The following SH3PXD2A variants were observed in gnomAD, a reference collection of about 807,000 sequenced individuals.
SH3PXD2A encodes SH3 and PX domains 2A.
SH3PXD2A carries 32 observed loss-of-function variants against 115.2 expected under a neutral mutation model. The ratio of observed to expected loss-of-function variants is 0.28; its 90% CI spans 0.21 to 0.37. The LOEUF (loss-of-function observed/expected upper bound fraction) is 0.37, where lower values mean the gene tolerates loss of function less well. SH3PXD2A is among the 10% of genes least tolerant of loss of function. The pLI is 1.00. For synonymous variants in SH3PXD2A, 610 were observed against 629.1 expected (o/e 0.97, Z 0.45); for missense variants, 1,328 against 1,498.7 (o/e 0.89, Z 1.88).
chr10:103,806,569 A>G (rs1305907488), intron 1 of SH3PXD2A, among the ~76,000 whole-genome samples: 1 of 152,184 alleles, frequency 6.6e-6, no homozygotes, highest in Non-Finnish European at 1.5e-5. Context: ...GGGGGCCCAG[A>G]TAGACTCTCC....
At chr10:103,655,419 G>C (rs2037196340) in intron 8 of SH3PXD2A, among the ~76,000 whole-genome samples, 1 of 152,176 alleles carries the variant, frequency 6.6e-6, no homozygotes, top group African/African-American at 2.4e-5. Flanking sequence ...TAGTAATCAG[G>C]TGGTTACATA....
At chr10:103,605,072 C>T (rs932659339) in intron 14 of SH3PXD2A, among the ~76,000 whole-genome samples, 14 of 152,194 alleles carry the variant, frequency 9.2e-5, no homozygotes, top group Non-Finnish European at 1.6e-4. Context: ...CATGCTCAGC[C>T]CCAGCCACAA....
At chr10:103,754,185 A>G (rs185131234) in intron 3 of SH3PXD2A, 1 of 152,174 alleles carries the variant, frequency 6.6e-6, no homozygotes, top group African/African-American at 2.4e-5. Flanking sequence ...TTCAAATTTC[A>G]CTTTTTTTTC....
chr10:103,830,484 C>T (rs940765106), intron 1 of SH3PXD2A, among the ~76,000 whole-genome samples: 2 of 152,160 alleles, frequency 1.3e-5, no homozygotes, highest in African/African-American at 2.4e-5. Flanking sequence ...CAGTAGCAAT[C>T]CCACTCCTGG....
chr10:103,682,258 G>A (rs990282799), intron 6 of SH3PXD2A, among the ~76,000 whole-genome samples: 19 of 152,232 alleles, frequency 1.2e-4, no homozygotes, highest in African/African-American at 4.6e-4. Flanking sequence ...TTGGGCAGTG[G>A]GGCTCAGCCA....
At position 103,595,365 on chromosome 10, in the gene SH3PXD2A, G is replaced by T. The variant is rs541143505; in HGVS notation, c.*6451C>A. On this transcript the variant is annotated 3_prime_UTR_variant, in exon 15 of 15. Coordinates refer to ENST00000369774, the MANE Select transcript of SH3PXD2A (RefSeq NM_001394015.1). ...TTCTTCCTTCTTTCTAATCAACAAA[G>T]ACAAAACTCCAAGCCCCTTTTCAGC... 3.9e-5 allele frequency: 6 copies of T among 152,276 alleles called. No homozygotes were observed. The highest frequency in any genetic ancestry group is 1.4e-4 in the African/African-American group (6 of 41,550). 9.4% of individuals were successfully genotyped at this position (152,276 alleles called of 1,614,324 possible).
intron 8 of SH3PXD2A, among the ~76,000 whole-genome samples, chr10:103,633,105 C>A (rs1194068956): frequency 6.6e-6 from 1 of 152,204 alleles, no homozygotes; most frequent in Non-Finnish European, 1.5e-5. Context: ...CATGGCAAGC[C>A]CAGGCTGGTG....
At chr10:103,674,091 T>C (rs564056100) in intron 6 of SH3PXD2A, among the ~76,000 whole-genome samples, 232 of 152,346 alleles carry the variant, frequency 1.5e-3, no homozygotes, top group Admixed American at 2.4e-3. Context: ...TTTAAGCCTT[T>C]CCTCTCCCAT....
At position 103,812,681 on chromosome 10, in the gene SH3PXD2A, C is replaced by T. The variant is rs761188717; in HGVS notation, c.73-11319G>A. On this transcript the variant is annotated intron_variant, in intron 1 of 14. Transcript: ENST00000369774. ...GGGAAACACAGCAGTCAGAGGCCAG[C>T]AGCCGCCTCCACACACAGCCTGCAG... 9.8e-5 allele frequency among the ~76,000 whole-genome samples: 15 copies of T among 152,300 alleles called. No individual in the cohort carries two copies. The East Asian group carries it at 2.5e-3, about 25-fold the overall frequency.
At chr10:103,822,270 T>C (rs1304879458) in intron 1 of SH3PXD2A, among the ~76,000 whole-genome samples, 1 of 152,262 alleles carries the variant, frequency 6.6e-6, no homozygotes, top group Non-Finnish European at 1.5e-5. Flanking sequence ...CTGGATGTTA[T>C]ACATACTGTG....
intron 1 of SH3PXD2A, among the ~76,000 whole-genome samples, chr10:103,828,622 G>C (rs1017553078): frequency 6.6e-6 from 1 of 152,116 alleles, no homozygotes; most frequent in Non-Finnish European, 1.5e-5. Flanking sequence ...CAGAGTCAGG[G>C]AGCCCTCCTG....
At chr10:103,607,961 G>A (rs564154071) in intron 13 of SH3PXD2A, among the ~76,000 whole-genome samples, 2 of 151,688 alleles carry the variant, frequency 1.3e-5, no homozygotes, top group South Asian at 2.1e-4. Flanking sequence ...CAGCATGCTC[G>A]TTAAGAGTCA....
rs3781365 is a variant in SH3PXD2A at position 103,602,114 on chromosome 10, C to T, written c.3104G>A (p.Arg1035Gln). Residue 1035 changes from arginine to glutamine, a missense_variant, in exon 15 of 15, where the codon CGG (arginine) becomes CAG (glutamine). By Grantham distance (43) the Arg-to-Gln change is conservative. Around this residue, in one of 5 missense-constraint regions of SH3PXD2A, gnomAD observed 574 missense variants for 565.7 expected, o/e 1.01. Coordinates refer to ENST00000369774, the MANE Select transcript of SH3PXD2A (RefSeq NM_001394015.1). ...TGAGTCTGAACCCTGGCTGGCAGCC[C>T]GTTCGGCCAGGCGGCCCTTGGCCTC... ...AAEAKGRLAE[R>Q]AASQGSDSPL... The T allele has an allele frequency of 3.5e-3, 5,581 of 1,587,978 alleles. 212 individuals are homozygous for T. In the East Asian group the frequency reaches 0.095, roughly 27 times the overall value.
At chr10:103,796,079 G>T (rs750102401) in intron 2 of SH3PXD2A, among the ~76,000 whole-genome samples, 5 of 152,018 alleles carry the variant, frequency 3.3e-5, no homozygotes, top group Non-Finnish European at 4.4e-5. Context: ...CCATATGGGG[G>T]CCGGGTGTGG....
chr10:103,677,067 C>T (rs1419042024), intron 6 of SH3PXD2A, among the ~76,000 whole-genome samples: 1 of 152,222 alleles, frequency 6.6e-6, no homozygotes, highest in Non-Finnish European at 1.5e-5. Flanking sequence ...CTGGCTCAGT[C>T]TCCCTGAGAG....
intron 1 of SH3PXD2A, among the ~76,000 whole-genome samples, chr10:103,837,824 G>A (rs568386843): frequency 2.9e-4 from 44 of 152,268 alleles, no homozygotes; most frequent in African/African-American, 9.9e-4. Flanking sequence ...AGAAGACACC[G>A]TCACCTGCTG....
Position 103,668,666 on chromosome 10 carries a change from G to C in SH3PXD2A, c.428-14C>G, listed in dbSNP as rs560078713. On this transcript the variant is annotated splice_polypyrimidine_tract_variant and intron_variant, in intron 6 of 14. Transcript: ENST00000369774. The stretch of plus-strand genomic sequence containing the variant: ...TGGACAGCCACACTTCCGAGTCCCC[G>C]AGAGCAAGCGGCAGCAGGAGAGGAG... 10 of 1,555,864 alleles carry C rather than the reference G, an allele frequency of 6.4e-6. No homozygotes were observed. The African/African-American group carries it at 6.9e-5, about 11-fold the overall frequency.
At chr10:103,774,437 T>C (rs1186801371) in intron 2 of SH3PXD2A, among the ~76,000 whole-genome samples, 1 of 152,222 alleles carries the variant, frequency 6.6e-6, no homozygotes, top group East Asian at 1.9e-4. Flanking sequence ...TTCTCTACTA[T>C]CTGCTTAATC....
intron 1 of SH3PXD2A, among the ~76,000 whole-genome samples, chr10:103,825,378 G>A (rs1454155158): frequency 6.6e-6 from 1 of 152,194 alleles, no homozygotes; most frequent in South Asian, 2.1e-4. Context: ...GGCGTTGCAG[G>A]GAGGAGGGAA....
Sources: gnomAD v4.1 joint callset for allele counts (sites outside exome capture counted in the v4.1 genomes callset) on GRCh38, gnomAD v4.1.1 for gene constraint, gnomAD v4.1.1 regional missense constraint, MANE v1.5 for transcripts, NCBI Gene and HGNC (gene_info 2026-07-23, HGNC 2026-07-21) for gene names.